Variants in NAALADL2 observed in about 807,000 individuals in gnomAD.
NAALADL2 encodes the protein inactive N-acetylated-alpha-linked acidic dipeptidase-like protein 2.
A neutral mutation model predicts 87.2 loss-of-function variants in NAALADL2; 76 were observed. That is an observed-to-expected ratio of 0.87 (90% confidence interval 0.72 to 1.05). NAALADL2 has a LOEUF of 1.05. NAALADL2 is among the 50% of genes least tolerant of loss of function. The pLI is 0.00. For missense variants in NAALADL2, 1,089 were observed against 945.8 expected (o/e 1.15, Z -1.99); for synonymous variants, 354 against 331.0 (o/e 1.07, Z -0.75).
chr3:175,366,198 T>G lies in NAALADL2; in HGVS notation c.1090+41873T>G, dbSNP rs1765543628. 1.4e-5 allele frequency among the ~76,000 whole-genome samples: 2 copies of G among 147,666 alleles called. 1 individual carries two copies. The highest frequency in any genetic ancestry group is 4.9e-5 in the African/African-American group (2 of 40,496). On this transcript the variant is annotated intron_variant, in intron 5 of 13. Coordinates refer to ENST00000454872, the MANE Select transcript of NAALADL2 (RefSeq NM_207015.3). ...ACAAAGCATATGAACTCATCATTAT[T>G]TATGGCTGCATAGTATTCCATGGTG...
At chr3:175,204,363 G>A (rs1740507260) in intron 2 of NAALADL2, among the ~76,000 whole-genome samples, 2 of 152,068 alleles carry the variant, frequency 1.3e-5, no homozygotes, top group South Asian at 4.1e-4. Flanking sequence ...CATCTCAATA[G>A]ATGCAGAAAA....
At chr3:175,054,270 A>C (rs1228973929) in intron 1 of NAALADL2, among the ~76,000 whole-genome samples, 1 of 152,256 alleles carries the variant, frequency 6.6e-6, no homozygotes, top group African/African-American at 2.4e-5. Flanking sequence ...GAAAATGCTT[A>C]GCAGGCTTCA....
At chr3:175,781,099 G>T (rs1751004465) in intron 13 of NAALADL2, among the ~76,000 whole-genome samples, 1 of 152,088 alleles carries the variant, frequency 6.6e-6, no homozygotes, top group African/African-American at 2.4e-5. Flanking sequence ...AAATATCTGG[G>T]AACTCAGCTA....
chr3:175,048,031 G>C (rs1182132099), intron 1 of NAALADL2, among the ~76,000 whole-genome samples: 1 of 152,140 alleles, frequency 6.6e-6, no homozygotes, highest in Non-Finnish European at 1.5e-5. Context: ...GTGACCTTTA[G>C]AATATTCTTC....
intron 9 of NAALADL2, among the ~76,000 whole-genome samples, chr3:175,504,640 G>T (rs1457419386): frequency 6.9e-6 from 1 of 145,026 alleles, no homozygotes. Flanking sequence ...TGAGAAAGCA[G>T]TCATTTGCAG....
chr3:175,578,084 A>T (rs74542005), intron 10 of NAALADL2, among the ~76,000 whole-genome samples: 3 of 151,772 alleles, frequency 2.0e-5, no homozygotes, highest in Admixed American at 6.6e-5. Context: ...GTCCAGTTAC[A>T]TTGGTTTCTG....
intron 11 of NAALADL2, among the ~76,000 whole-genome samples, chr3:175,653,019 AT>A (rs1730996597): frequency 1.3e-5 from 2 of 152,212 alleles, no homozygotes; most frequent in Admixed American, 1.3e-4. Flanking sequence ...TATTCTTACA[AT>A]AAAGCAAGCT....
chr3:174,572,751 G>C (rs1715079158), intron 2 of NAALADL2, among the ~76,000 whole-genome samples: 1 of 152,066 alleles, frequency 6.6e-6, no homozygotes, highest in African/African-American at 2.4e-5. Flanking sequence ...GTTATTCCTG[G>C]TAGCAATACA....
At chr3:174,806,908 C>T (rs1415182932) in intron 3 of NAALADL2, among the ~76,000 whole-genome samples, 1 of 151,948 alleles carries the variant, frequency 6.6e-6, no homozygotes, top group Non-Finnish European at 1.5e-5. Flanking sequence ...TCCTTATAGC[C>T]ATCTAGTAAA....
chr3:174,607,681 C>T (rs1435882129), intron 2 of NAALADL2, among the ~76,000 whole-genome samples: 2 of 152,106 alleles, frequency 1.3e-5, no homozygotes, highest in East Asian at 1.9e-4. Flanking sequence ...CCTGAGTGAC[C>T]TACAAAGACA....
rs139495200 is a variant in NAALADL2 at position 175,336,708 on chromosome 3, T to G, written c.1090+12383T>G. On this transcript the variant is annotated intron_variant, in intron 5 of 13. Transcript: ENST00000454872. ...TAGATTTATAATTGAATTTTTGGTA[T>G]AGTCTAGAGTCTGGAAAATCAGTGT... Among the ~76,000 whole-genome samples the G allele has an allele frequency of 4.4e-3, 670 of 152,310 alleles. 3 individuals are homozygous for G. The highest frequency in any genetic ancestry group is 0.014 in the African/African-American group (562 of 41,582).
At position 175,780,544 on chromosome 3, in the gene NAALADL2, A is replaced by T. The variant is rs181035460; in HGVS notation, c.2190-22461A>T. Among the ~76,000 whole-genome samples the T allele has an allele frequency of 4.0e-5, 6 of 148,894 alleles. No individual in the cohort carries two copies. In the East Asian group the frequency reaches 1.2e-3, roughly 29 times the overall value. ...TACTGTCAGACAAGATTTTTCTCTG[A>T]GCAGATGCTTTATGTGTTAATAAAA... is the stretch of plus-strand genomic sequence containing the variant. On this transcript the variant is annotated intron_variant, in intron 13 of 13. Coordinates refer to ENST00000454872, the MANE Select transcript of NAALADL2 (RefSeq NM_207015.3).
chr3:175,183,441 T>C (rs1177994624), intron 2 of NAALADL2, among the ~76,000 whole-genome samples: 1 of 152,126 alleles, frequency 6.6e-6, no homozygotes, highest in African/African-American at 2.4e-5. Flanking sequence ...CTTTTAACTT[T>C]TTTCTGGTGA....
At chr3:175,276,141 TA>T (rs11388464) in intron 4 of NAALADL2, among the ~76,000 whole-genome samples, 1 of 149,446 alleles carries the variant, frequency 6.7e-6, no homozygotes, top group Non-Finnish European at 1.5e-5. Flanking sequence ...CATCATGAAG[TA>T]AAAAAAAAAT....
intron 9 of NAALADL2, among the ~76,000 whole-genome samples, chr3:175,541,720 C>G (rs982536295): frequency 6.6e-6 from 1 of 151,922 alleles, no homozygotes; most frequent in African/African-American, 2.4e-5. Flanking sequence ...TTGTTGATCT[C>G]TGCTTGTTTG....
intron 2 of NAALADL2, among the ~76,000 whole-genome samples, chr3:174,615,734 C>A (rs1194357096): frequency 6.6e-6 from 1 of 152,028 alleles, no homozygotes; most frequent in East Asian, 1.9e-4. Context: ...CTCTCTCTCT[C>A]CCATTCTCCC....
At chr3:174,687,752 T>A (rs887839320) in intron 2 of NAALADL2, among the ~76,000 whole-genome samples, 2 of 152,140 alleles carry the variant, frequency 1.3e-5, no homozygotes, top group Non-Finnish European at 2.9e-5. Context: ...ATTGTAATAA[T>A]CCTCATGTGT....
chr3:174,906,350 G>A (rs553252624), intron 1 of NAALADL2, among the ~76,000 whole-genome samples: 23 of 152,164 alleles, frequency 1.5e-4, no homozygotes, highest in African/African-American at 5.3e-4. Context: ...CCCCTGCCTT[G>A]AGTATCAGTT....
intron 3 of NAALADL2, among the ~76,000 whole-genome samples, chr3:174,761,115 A>C (rs1331552277): frequency 6.6e-6 from 1 of 152,170 alleles, no homozygotes; most frequent in Admixed American, 6.5e-5. Flanking sequence ...TGTCATATTG[A>C]CTTTAAACCC....
Sources: allele counts gnomAD v4.1 joint callset (sites outside exome capture counted in the v4.1 genomes callset), GRCh38; gene constraint gnomAD v4.1.1; transcripts MANE v1.5; gene names NCBI Gene and HGNC (gene_info 2026-07-23, HGNC 2026-07-21).